The following JAKMIP1 variants were observed in gnomAD, a reference collection of about 807,000 sequenced individuals.
The protein encoded by JAKMIP1 is janus kinase and microtubule interacting protein 1.
A neutral mutation model predicts 113.0 loss-of-function variants in JAKMIP1; 33 were observed. The ratio of observed to expected loss-of-function variants is 0.29; its 90% CI spans 0.22 to 0.39. The LOEUF is 0.39. Among genes scored for constraint, JAKMIP1 ranks in the 10% least tolerant of loss-of-function variants. JAKMIP1 has a pLI of 1.00. For synonymous variants in JAKMIP1, 480 were observed against 459.9 expected (o/e 1.04, Z -0.56); for missense variants, 813 against 1,080.5 (o/e 0.75, Z 3.47).
rs992607625 is a variant in JAKMIP1, at chr4:6,178,380, T to C, written c.-148+21873A>G. ...GACCTCTCGGGAGGTAATTGAATCATGGGGGCAGTTTACCCCATACTATTC... is the reference window on the plus strand; with the variant it reads ...GACCTCTCGGGAGGTAATTGAATCACGGGGGCAGTTTACCCCATACTATTC... On this transcript the variant is annotated intron_variant, in intron 1 of 20. Transcript: ENST00000409021. This position sits in a 1 kb window ranked among gnomAD's most constrained non-coding sequence, Gnocchi z 5.5. Among the ~76,000 whole-genome samples, 10 of 152,212 alleles carry C rather than the reference T, an allele frequency of 6.6e-5. No homozygotes were observed. Among genetic ancestry groups the C allele is most frequent in the Non-Finnish European group, 1.3e-4 (9 of 68,028 alleles).
At position 6,183,783 on chromosome 4, in the gene JAKMIP1, C is replaced by A. The variant is rs985905448; in HGVS notation, c.-148+16470G>T. Among the ~76,000 whole-genome samples, 1 of 152,196 alleles carries A rather than the reference C, an allele frequency of 6.6e-6. No homozygotes were observed. Among genetic ancestry groups the A allele is most frequent in the Non-Finnish European group, 1.5e-5 (1 of 68,034 alleles). ...CCTGGGCTGCCAGGTGAACACTCAG[C>A]TTTGTGCAGGGCTTGGGGGACAGCC... is the stretch of plus-strand genomic sequence containing the variant. On this transcript the variant is annotated intron_variant, in intron 1 of 20. Coordinates refer to ENST00000409021, the MANE Select transcript of JAKMIP1 (RefSeq NM_001099433.2). The surrounding 1 kb of genome is among the most constrained non-coding windows in gnomAD (Gnocchi z 5.3).
chr4:6,107,755 G>C (rs1560197870), intron 2 of JAKMIP1, among the ~76,000 whole-genome samples: 1 of 151,204 alleles, frequency 6.6e-6, no homozygotes, highest in Non-Finnish European at 1.5e-5. Context: ...ACTCTGTGGG[G>C]GGTGTGTGTG....
In JAKMIP1 at chr4:6,088,179, A is replaced by G. The variant is rs1427747128; in HGVS notation, c.625-2550T>C. Reference sequence around the variant, plus strand: ...CAAAAGAGACCAGCCGCCCTGCCCTAGGGGCTTCTATTCTGCTAGTGGGCG... The same window carrying G: ...CAAAAGAGACCAGCCGCCCTGCCCTGGGGGCTTCTATTCTGCTAGTGGGCG... On this transcript the variant is annotated intron_variant, in intron 3 of 20. Transcript: ENST00000409021. This position sits in a 1 kb window ranked among gnomAD's most constrained non-coding sequence, Gnocchi z 5.5. 6.6e-6 allele frequency among the ~76,000 whole-genome samples: 1 copy of G among 152,226 alleles called. No individual in the cohort carries two copies. The highest frequency in any genetic ancestry group is 2.4e-5 in the African/African-American group (1 of 41,452).
chr4:6,095,678 G>A (rs948464829), intron 3 of JAKMIP1, among the ~76,000 whole-genome samples: 50 of 152,224 alleles, frequency 3.3e-4, no homozygotes, highest in African/African-American at 9.4e-4. Context: ...TGATGTGTAC[G>A]TAAGATTTGT....
intron 1 of JAKMIP1, among the ~76,000 whole-genome samples, chr4:6,114,939 T>A (rs1715515206): frequency 6.6e-6 from 1 of 152,314 alleles, no homozygotes; most frequent in African/African-American, 2.4e-5. Context: ...TGGCCACTTC[T>A]AGGAATGTGC....
chr4:6,101,504 C>G (rs1713021038), intron 3 of JAKMIP1, among the ~76,000 whole-genome samples: 1 of 152,080 alleles, frequency 6.6e-6, no homozygotes, highest in South Asian at 2.1e-4. Flanking sequence ...ATGAAACCTC[C>G]AATTTTTCTC....
chr4:6,177,171 G>A (rs745846576), intron 1 of JAKMIP1, among the ~76,000 whole-genome samples: 45 of 152,264 alleles, frequency 3.0e-4, no homozygotes, highest in Non-Finnish European at 5.4e-4. Context: ...GTAGACAAAC[G>A]TCAATCTTCC....
At chr4:6,131,048 C>T (rs908724732) in intron 1 of JAKMIP1, among the ~76,000 whole-genome samples, 2 of 151,312 alleles carry the variant, frequency 1.3e-5, no homozygotes, top group Non-Finnish European at 2.9e-5. Context: ...GGGATATACA[C>T]CTCCCACCTC....
At chr4:6,098,674 A>AAGAAAGAG (rs1450597893) in intron 3 of JAKMIP1, among the ~76,000 whole-genome samples, 1 of 12,330 alleles carries the variant, frequency 8.1e-5, no homozygotes, top group Non-Finnish European at 1.8e-4. Flanking sequence ...AAGAGAGAGA[A>AAGAAAGAG]AGAAAGAAAG....
At position 6,183,526 on chromosome 4, in the gene JAKMIP1, A is replaced by AT. The variant is rs1726302041; in HGVS notation, c.-148+16726_-148+16727insA. 8.5e-6 allele frequency among the ~76,000 whole-genome samples: 1 copy of AT among 118,300 alleles called. No homozygotes were observed. Among genetic ancestry groups the AT allele is most frequent in the Non-Finnish European group, 1.8e-5 (1 of 55,646 alleles). 77.6% of individuals were successfully genotyped at this position (118,300 alleles called of 152,430 possible). A position where few individuals can be genotyped will look rare whatever the true frequency, so the allele number is the denominator to read the frequency against. On this transcript the variant is annotated intron_variant, in intron 1 of 20. Coordinates refer to ENST00000409021, the MANE Select transcript of JAKMIP1 (RefSeq NM_001099433.2). The surrounding 1 kb of genome is among the most constrained non-coding windows in gnomAD (Gnocchi z 5.3). ...TAAATAAATTTAAAAAAGAAAGTAA[A>AT]ATGGAACAGAAACTTCAGTACTCAG... is the stretch of plus-strand genomic sequence containing the variant.
At position 6,042,822 on chromosome 4, in the gene JAKMIP1, G is replaced by C. The variant is rs1224760964; in HGVS notation, c.2029-595C>G. ...ATGAGAGGAGGTGGAATCACACACA[G>C]GGTAGGGGGTGTAGGAGCATGAAAG... On this transcript the variant is annotated intron_variant, in intron 16 of 20. Coordinates refer to ENST00000409021, the MANE Select transcript of JAKMIP1 (RefSeq NM_001099433.2). The surrounding 1 kb of genome is among the most constrained non-coding windows in gnomAD (Gnocchi z 5.2). Among the ~76,000 whole-genome samples, 1 of 152,096 alleles carries C rather than the reference G, an allele frequency of 6.6e-6. No homozygotes were observed. Among genetic ancestry groups the C allele is most frequent in the Admixed American group, 6.5e-5 (1 of 15,282 alleles).
At chr4:6,078,862 C>A in intron 8 of JAKMIP1, 77 bp downstream of exon 8, 1 of 1,449,662 alleles carries the variant, frequency 6.9e-7, no homozygotes, top group Admixed American at 1.7e-5. Flanking sequence ...GTAAAACCTC[C>A]CCACTCCACG....
chr4:6,181,109 C>A lies in JAKMIP1; in HGVS notation c.-148+19144G>T, dbSNP rs114477098. On this transcript the variant is annotated intron_variant, in intron 1 of 20. Coordinates refer to ENST00000409021, the MANE Select transcript of JAKMIP1 (RefSeq NM_001099433.2). The surrounding 1 kb of genome is among the most constrained non-coding windows in gnomAD (Gnocchi z 5.4). Reference sequence around the variant, plus strand: ...GGGCAACTTCTTTTTGTGGTTTCTACATCCTTTCTATACTCACCACCCCGT... The same window carrying A: ...GGGCAACTTCTTTTTGTGGTTTCTAAATCCTTTCTATACTCACCACCCCGT... 4.6e-3 allele frequency among the ~76,000 whole-genome samples: 693 copies of A among 152,148 alleles called. 5 individuals carry two copies. The highest frequency in any genetic ancestry group is 0.015 in the African/African-American group (639 of 41,490).
intron 1 of JAKMIP1, among the ~76,000 whole-genome samples, chr4:6,114,087 A>G (rs1715371558): frequency 2.6e-5 from 4 of 152,246 alleles, no homozygotes; most frequent in Non-Finnish European, 4.4e-5. Flanking sequence ...ATGAAAGCAC[A>G]GAGAGGTGAA....
chr4:6,107,763 G>T (rs1714207822), intron 2 of JAKMIP1, among the ~76,000 whole-genome samples: 1 of 152,130 alleles, frequency 6.6e-6, no homozygotes, highest in Non-Finnish European at 1.5e-5. Context: ...GGGGGTGTGT[G>T]TGTGTGTGTC....
intron 8 of JAKMIP1, among the ~76,000 whole-genome samples, chr4:6,073,097 A>T (rs895726818): frequency 7.0e-6 from 1 of 142,680 alleles, no homozygotes; most frequent in Non-Finnish European, 1.5e-5. Context: ...AAAAAAAAAA[A>T]GTGCTTGAGC....
chr4:6,160,322 A>G (rs1213343634), intron 1 of JAKMIP1, among the ~76,000 whole-genome samples: 2 of 152,364 alleles, frequency 1.3e-5, no homozygotes, highest in Middle Eastern at 3.4e-3. Context: ...TCTTTCCTCT[A>G]TACCAGCAAC....
chr4:6,126,285 AACAC>A (rs1179875245), intron 1 of JAKMIP1, among the ~76,000 whole-genome samples: 1 of 128,588 alleles, frequency 7.8e-6, no homozygotes, highest in Non-Finnish European at 1.6e-5. Context: ...ACCATGCAGA[AACAC>A]ACACACACCA....
At chr4:6,068,284 C>T (rs1316099772) in intron 8 of JAKMIP1, among the ~76,000 whole-genome samples, 1 of 152,192 alleles carries the variant, frequency 6.6e-6, no homozygotes, top group Non-Finnish European at 1.5e-5. Context: ...CCTTAGCAAA[C>T]AGCCTAACTC....
Sources: allele counts gnomAD v4.1 joint callset (sites outside exome capture counted in the v4.1 genomes callset), GRCh38; gene constraint gnomAD v4.1.1; non-coding constraint Gnocchi (gnomAD v3.1); transcripts MANE v1.5; gene names NCBI Gene and HGNC (gene_info 2026-07-23, HGNC 2026-07-21).